The following RALGPS2 variants were observed in gnomAD, a reference collection of about 807,000 sequenced individuals.
RALGPS2 encodes the protein Ral GEF with PH domain and SH3 binding motif 2.
A neutral mutation model predicts 86.8 loss-of-function variants in RALGPS2; 43 were observed. That is an observed-to-expected ratio of 0.50 (90% confidence interval 0.39 to 0.64). RALGPS2 has a LOEUF of 0.64. Ranked by LOEUF, RALGPS2 falls within the 30% of genes least tolerant of loss-of-function variation. The pLI, the probability that RALGPS2 is intolerant of heterozygous loss-of-function variation, is 0.00. For missense variants in RALGPS2, 536 were observed against 694.6 expected (o/e 0.77, Z 2.57); for synonymous variants, 243 against 231.3 (o/e 1.05, Z -0.46).
At chr1:178,768,162 G>T (rs1366304086) in intron 1 of RALGPS2, among the ~76,000 whole-genome samples, 1 of 152,122 alleles carries the variant, frequency 6.6e-6, no homozygotes, top group Non-Finnish European at 1.5e-5. Flanking sequence ...TCGGTGCTTT[G>T]AATTCTTTTT....
intron 8 of RALGPS2, among the ~76,000 whole-genome samples, chr1:178,844,696 T>A (rs1656781578): frequency 6.6e-6 from 1 of 152,232 alleles, no homozygotes; most frequent in African/African-American, 2.4e-5. Context: ...GTTCTTGTCA[T>A]TGGAGAACAG....
chr1:178,804,043 C>T (rs1654610652), intron 4 of RALGPS2, among the ~76,000 whole-genome samples: 1 of 150,406 alleles, frequency 6.6e-6, no homozygotes, highest in Non-Finnish European at 1.5e-5. Flanking sequence ...ACTGTTTCCT[C>T]AATCTTCCCC....
At chr1:178,821,249 A>G (rs1473095150) in intron 6 of RALGPS2, among the ~76,000 whole-genome samples, 1 of 152,222 alleles carries the variant, frequency 6.6e-6, no homozygotes, top group African/African-American at 2.4e-5. Flanking sequence ...AACTTGAAAC[A>G]TAAAGCAGAG....
chr1:178,763,574 CT>C (rs1354972797), intron 1 of RALGPS2, among the ~76,000 whole-genome samples: 1 of 152,118 alleles, frequency 6.6e-6, no homozygotes, highest in Non-Finnish European at 1.5e-5. Flanking sequence ...CTCTAGTTAG[CT>C]ATATTCCTAG....
At chr1:178,792,709 T>G (rs1172087732) in intron 4 of RALGPS2, among the ~76,000 whole-genome samples, 3 of 152,226 alleles carry the variant, frequency 2.0e-5, no homozygotes, top group Non-Finnish European at 4.4e-5. Flanking sequence ...ATTTGGATAC[T>G]TCTATGGATA....
chr1:178,904,399 T>G (rs566416351), intron 18 of RALGPS2, among the ~76,000 whole-genome samples: 1 of 152,334 alleles, frequency 6.6e-6, no homozygotes, highest in African/African-American at 2.4e-5. Flanking sequence ...CATTTGCTTT[T>G]GGGTTTTTGG....
At chr1:178,768,846 C>T (rs1652643155) in intron 1 of RALGPS2, among the ~76,000 whole-genome samples, 1 of 152,222 alleles carries the variant, frequency 6.6e-6, no homozygotes, top group South Asian at 2.1e-4. Flanking sequence ...GTTCTCTACA[C>T]ATAGATAGGA....
At chr1:178,854,989 A>G (rs1195676158) in intron 8 of RALGPS2, among the ~76,000 whole-genome samples, 1 of 152,126 alleles carries the variant, frequency 6.6e-6, no homozygotes, top group Non-Finnish European at 1.5e-5. Flanking sequence ...AAAAAGAATT[A>G]CCCTAAAGAT....
chr1:178,822,713 A>G (rs1043546179), intron 7 of RALGPS2, among the ~76,000 whole-genome samples: 4 of 152,100 alleles, frequency 2.6e-5, no homozygotes, highest in African/African-American at 7.2e-5. Flanking sequence ...ATTCTTTTTA[A>G]TAATTATGGC....
intron 4 of RALGPS2, among the ~76,000 whole-genome samples, chr1:178,794,794 T>C (rs1654111264): frequency 6.6e-6 from 1 of 152,212 alleles, no homozygotes; most frequent in Non-Finnish European, 1.5e-5. Flanking sequence ...GCTGTAGTTA[T>C]TACATTGGAT....
At chr1:178,727,376 T>C (rs1470653119) in intron 1 of RALGPS2, among the ~76,000 whole-genome samples, 1 of 152,196 alleles carries the variant, frequency 6.6e-6, no homozygotes, top group Non-Finnish European at 1.5e-5. Context: ...CACTTTTCAT[T>C]GAATTAAGGA....
At chr1:178,735,598 ATTC>A (rs1241403529) in intron 1 of RALGPS2, among the ~76,000 whole-genome samples, 14 of 57,452 alleles carry the variant, frequency 2.4e-4, no homozygotes, top group African/African-American at 8.6e-4. Flanking sequence ...TAATTTTTGT[ATTC>A]TTTTTTTTTT....
intron 1 of RALGPS2, among the ~76,000 whole-genome samples, chr1:178,774,999 C>T (rs905031186): frequency 2.0e-5 from 3 of 152,172 alleles, no homozygotes; most frequent in Middle Eastern, 3.4e-3. Context: ...CAATTGCTTC[C>T]CAAAGGTGTA....
intron 4 of RALGPS2, among the ~76,000 whole-genome samples, chr1:178,787,584 G>A (rs1398478025): frequency 6.6e-6 from 1 of 152,132 alleles, no homozygotes; most frequent in Non-Finnish European, 1.5e-5. Flanking sequence ...CTTGGATATT[G>A]AAGATCCAGA....
intron 4 of RALGPS2, among the ~76,000 whole-genome samples, chr1:178,801,545 A>G (rs1386171943): frequency 6.6e-6 from 1 of 152,140 alleles, no homozygotes; most frequent in African/African-American, 2.4e-5. Context: ...AAAATTTTTT[A>G]ATACTTTTCT....
chr1:178,747,151 A>G (rs1250196514), intron 1 of RALGPS2: 3 of 1,004,182 alleles, frequency 3.0e-6, no homozygotes, highest in South Asian at 1.3e-5. Flanking sequence ...TCAAAACAAG[A>G]CAAGTGTCTA....
At chr1:178,865,554 T>TA in intron 8 of RALGPS2, 1 of 1,614,152 alleles carries the variant, frequency 6.2e-7, no homozygotes, top group Non-Finnish European at 8.5e-7. Flanking sequence ...TCTTTAATGG[T>TA]ACTTGCATCT....
intron 19 of RALGPS2, among the ~76,000 whole-genome samples, chr1:178,913,673 TC>T (rs963116831): frequency 3.9e-5 from 6 of 152,210 alleles, no homozygotes; most frequent in Non-Finnish European, 7.3e-5. Flanking sequence ...GTTTTTGATT[TC>T]CCTTCAGGGT....
chr1:178,885,298 A>G (rs758010307), intron 12 of RALGPS2, 87 bp downstream of exon 12: 3 of 1,295,320 alleles, frequency 2.3e-6, no homozygotes, highest in South Asian at 3.3e-5. Context: ...AGAAAATGGT[A>G]TCCTTGAATA....
Sources: allele counts gnomAD v4.1 joint callset (sites outside exome capture counted in the v4.1 genomes callset), GRCh38; gene constraint gnomAD v4.1.1; transcripts MANE v1.5; gene names NCBI Gene and HGNC (gene_info 2026-07-23, HGNC 2026-07-21).